Variants in CPA6 observed in about 807,000 individuals in gnomAD.
CPA6 encodes the protein carboxypeptidase B.
In CPA6, 58 loss-of-function variants were observed where a neutral mutation model predicts 63.3. The ratio of observed to expected loss-of-function variants is 0.92; its 90% CI spans 0.74 to 1.14. CPA6 has a LOEUF of 1.14. CPA6 is among the 50% of genes most tolerant of loss of function. CPA6 has a pLI of 0.00. For missense variants in CPA6, 565 were observed against 526.6 expected, an observed-to-expected ratio of 1.07 and a Z score of -0.71; for synonymous variants, 185 against 179.0, an observed-to-expected ratio of 1.03 and a Z score of -0.27.
At chr8:67,707,777 A>T (rs1383328498) in intron 1 of CPA6, among the ~76,000 whole-genome samples, 3 of 152,080 alleles carry the variant, frequency 2.0e-5, no homozygotes, top group Non-Finnish European at 4.4e-5. Context: ...GCATTGTGGC[A>T]TGTTCCTGTA....
At chr8:67,696,343 T>C (rs546377709) in intron 1 of CPA6, among the ~76,000 whole-genome samples, 7 of 152,212 alleles carry the variant, frequency 4.6e-5, no homozygotes, top group African/African-American at 1.7e-4. Flanking sequence ...ACAGCCACAC[T>C]GAGAAGCCAT....
At chr8:67,618,427 A>G (rs2128986171) in intron 2 of CPA6, among the ~76,000 whole-genome samples, 1 of 152,306 alleles carries the variant, frequency 6.6e-6, no homozygotes, top group South Asian at 2.1e-4. Context: ...GACAGCAGTC[A>G]ACTACAGCAC....
At chr8:67,624,894 G>A (rs1450628322) in intron 1 of CPA6, among the ~76,000 whole-genome samples, 1 of 152,100 alleles carries the variant, frequency 6.6e-6, no homozygotes, top group Non-Finnish European at 1.5e-5. Context: ...CCAGGGGTTT[G>A]GTCTAGGTCC....
chr8:67,562,590 G>T (rs533154849), intron 2 of CPA6, among the ~76,000 whole-genome samples: 1 of 152,168 alleles, frequency 6.6e-6, no homozygotes, highest in East Asian at 1.9e-4. Context: ...CAAGGTGATG[G>T]TATTAGGAGG....
At chr8:67,456,892 A>C (rs990122461) in intron 8 of CPA6, among the ~76,000 whole-genome samples, 1 of 152,238 alleles carries the variant, frequency 6.6e-6, no homozygotes, top group Non-Finnish European at 1.5e-5. Flanking sequence ...GGACAGATTC[A>C]GAGAGACAAG....
intron 2 of CPA6, among the ~76,000 whole-genome samples, chr8:67,535,563 T>C (rs1269295566): frequency 6.6e-6 from 1 of 152,206 alleles, no homozygotes; most frequent in Non-Finnish European, 1.5e-5. Flanking sequence ...GGGTTGTTTT[T>C]CTTGTAAATT....
chr8:67,733,282 A>AC lies in CPA6; in HGVS notation c.116+12731dup, dbSNP rs1176399481. Among the ~76,000 whole-genome samples, 8 of 135,740 alleles carry AC rather than the reference A, an allele frequency of 5.9e-5. No homozygotes were observed. The South Asian group carries it at 7.5e-4, about 13-fold the overall frequency. The allele number at this position is 135,740 out of a possible 152,430, so 89.1% of individuals were successfully genotyped here. A position where few individuals can be genotyped will look rare whatever the true frequency, so the allele number is the denominator to read the frequency against. On this transcript the variant is annotated intron_variant, in intron 1 of 10. Transcript: ENST00000297770. ...TTGTTAAGCCCGACTGCTGGGCCCC[A>AC]CCCCCAGAACTCCTGATTTGGGAGG...
chr8:67,623,052 A>G (rs1400657727), intron 2 of CPA6, among the ~76,000 whole-genome samples: 2 of 151,976 alleles, frequency 1.3e-5, no homozygotes, highest in East Asian at 1.9e-4. Flanking sequence ...AGAGCCTTCA[A>G]CCTTTGCCAA....
chr8:67,740,118 C>T (rs1228021866), intron 1 of CPA6, among the ~76,000 whole-genome samples: 1 of 152,146 alleles, frequency 6.6e-6, no homozygotes, highest in East Asian at 1.9e-4. Flanking sequence ...AACAATTTAC[C>T]ATCAAATCAG....
At chr8:67,509,680 C>A in intron 4 of CPA6, 62 bp from the exon 5 acceptor site, 1 of 782,078 alleles carries the variant, frequency 1.3e-6, no homozygotes, top group Middle Eastern at 2.7e-4. Context: ...TTTTAGAGAA[C>A]AAAAGGAAAC....
At chr8:67,586,088 A>G (rs1265125347) in intron 2 of CPA6, among the ~76,000 whole-genome samples, 1 of 152,186 alleles carries the variant, frequency 6.6e-6, no homozygotes, top group Non-Finnish European at 1.5e-5. Flanking sequence ...AACAAGTGCT[A>G]TGTGGCTTAT....
chr8:67,745,017 G>A (rs1817981863), intron 1 of CPA6, among the ~76,000 whole-genome samples: 1 of 152,138 alleles, frequency 6.6e-6, no homozygotes, highest in African/African-American at 2.4e-5. Flanking sequence ...CTTTTCCAGG[G>A]TCACACTTAC....
chr8:67,458,104 A>C (rs1810717369), intron 8 of CPA6, among the ~76,000 whole-genome samples: 1 of 152,222 alleles, frequency 6.6e-6, no homozygotes, highest in Admixed American at 6.5e-5. Context: ...AATAACTCAA[A>C]ATGGATCATA....
intron 1 of CPA6, among the ~76,000 whole-genome samples, chr8:67,662,597 A>G (rs1587682444): frequency 2.1e-5 from 1 of 47,570 alleles, no homozygotes; most frequent in Non-Finnish European, 3.6e-5. Context: ...GTATATATAG[A>G]ATACATACAC....
At chr8:67,565,828 T>A (rs943011344) in intron 2 of CPA6, among the ~76,000 whole-genome samples, 3 of 152,332 alleles carry the variant, frequency 2.0e-5, no homozygotes, top group Non-Finnish European at 2.9e-5. Flanking sequence ...CTCTGAGATG[T>A]CATCTTCACT....
At chr8:67,523,132 T>TTCAGTTTC (rs1399534180) in intron 2 of CPA6, among the ~76,000 whole-genome samples, 2 of 152,196 alleles carry the variant, frequency 1.3e-5, no homozygotes, top group African/African-American at 4.8e-5. Context: ...TCTACTTAGC[T>TTCAGTTTC]CTCTGCACTT....
At chr8:67,531,944 TG>T (rs1382551209) in intron 2 of CPA6, among the ~76,000 whole-genome samples, 7 of 152,158 alleles carry the variant, frequency 4.6e-5, no homozygotes, top group Non-Finnish European at 1.0e-4. Context: ...TTAAATAACT[TG>T]CAGATTAAAG....
chr8:67,537,274 C>T (rs951397836), intron 2 of CPA6, among the ~76,000 whole-genome samples: 6 of 152,138 alleles, frequency 3.9e-5, no homozygotes, highest in African/African-American at 1.4e-4. Flanking sequence ...GGAATGGTAC[C>T]AGCTCCTGTT....
intron 2 of CPA6, among the ~76,000 whole-genome samples, chr8:67,548,423 T>C (rs1025003383): frequency 6.6e-6 from 1 of 151,576 alleles, no homozygotes; most frequent in Admixed American, 6.6e-5. Context: ...GGCTAATATT[T>C]TTTTTGTATT....
Sources: allele counts gnomAD v4.1 joint callset (sites outside exome capture counted in the v4.1 genomes callset), GRCh38; gene constraint gnomAD v4.1.1; transcripts MANE v1.5; gene names NCBI Gene and HGNC (gene_info 2026-07-23, HGNC 2026-07-21).